The following UBAP2 variants were observed in gnomAD, a reference collection of about 807,000 sequenced individuals.
UBAP2 encodes ubiquitin associated protein 2, also known as ubiquitin-associated protein 2.
UBAP2 carries 75 observed loss-of-function variants against 139.6 expected under a neutral mutation model. The observed-to-expected ratio is 0.54, with a 90% confidence interval of 0.45 to 0.65. The LOEUF is 0.65. UBAP2 is among the 30% of genes least tolerant of loss of function. UBAP2 has a pLI of 0.00. For missense variants in UBAP2, 1,368 were observed against 1,369.6 expected (o/e 1.00, Z 0.02); for synonymous variants, 526 against 526.2 (o/e 1.00, Z 0.01).
chr9:33,956,913 T>G (rs1189604906), intron 10 of UBAP2, among the ~76,000 whole-genome samples: 1 of 143,950 alleles, frequency 6.9e-6, no homozygotes, highest in Non-Finnish European at 1.5e-5. Flanking sequence ...AGGCCAGAAG[T>G]AAGGCTTCAT....
intron 1 of UBAP2, among the ~76,000 whole-genome samples, chr9:34,019,381 C>T (rs1045562998): frequency 6.6e-6 from 1 of 151,970 alleles, no homozygotes; most frequent in South Asian, 2.1e-4. Context: ...CCAGCCTGGG[C>T]GACAGAGCAA....
intron 6 of UBAP2, among the ~76,000 whole-genome samples, chr9:33,976,565 A>G (rs2131077664): frequency 6.6e-6 from 1 of 152,334 alleles, no homozygotes; most frequent in South Asian, 2.1e-4. Flanking sequence ...GATAAAGGGT[A>G]AGGTATACTT....
chr9:33,949,477 TG>T (rs981930531), intron 12 of UBAP2, among the ~76,000 whole-genome samples: 16 of 152,054 alleles, frequency 1.1e-4, no homozygotes, highest in African/African-American at 3.9e-4. Flanking sequence ...CCGAGGTGGG[TG>T]GATCACCTGA....
chr9:33,977,142 A>C (rs1413990246), intron 6 of UBAP2, among the ~76,000 whole-genome samples: 1 of 150,016 alleles, frequency 6.7e-6, no homozygotes, highest in Non-Finnish European at 1.5e-5. Context: ...AGGTTCAGGC[A>C]ATTCTCCCGC....
At chr9:33,992,663 G>GA (rs931183014) in intron 4 of UBAP2, among the ~76,000 whole-genome samples, 1 of 148,400 alleles carries the variant, frequency 6.7e-6, no homozygotes, top group African/African-American at 2.4e-5. Flanking sequence ...GGCGGAGGGG[G>GA]GGGGGCACAA....
chr9:33,981,205 G>GATATATATATATATATTCTGGAT lies in UBAP2; in HGVS notation c.520+5532_520+5554dup, dbSNP rs1554686782. Among the ~76,000 whole-genome samples, 11 of 3,684 alleles carry GATATATATATATATATTCTGGAT rather than the reference G, an allele frequency of 3.0e-3. 3 individuals are homozygous for GATATATATATATATATTCTGGAT. Among genetic ancestry groups the GATATATATATATATATTCTGGAT allele is most frequent in the East Asian group, 0.027 (4 of 148 alleles). 2.4% of individuals were successfully genotyped at this position (3,684 alleles called of 152,430 possible). On this transcript the variant is annotated intron_variant, in intron 6 of 28. Coordinates refer to ENST00000379238, the MANE Select transcript of UBAP2 (RefSeq NM_001370062.2). ...TCTGGATATATATATATATATTCTG[G>GATATATATATATATATTCTGGAT]ATATATATATATATATTCTGGATAT...
rs1418312106 is a variant in UBAP2, at chr9:34,016,297, G to A, written c.99+753C>T. 2.2e-3 allele frequency among the ~76,000 whole-genome samples: 231 copies of A among 102,874 alleles called. 3 individuals are homozygous for A. Among genetic ancestry groups the A allele is most frequent in the African/African-American group, 8.3e-3 (196 of 23,586 alleles). 67.5% of individuals were successfully genotyped at this position (102,874 alleles called of 152,430 possible). On this transcript the variant is annotated intron_variant, in intron 2 of 28. Transcript: ENST00000379238. ...GAAGGAGGAAGAGGAGGAGGAGGAA[G>A]AGGAGGAAGAGGAGGAAGAGAAGGA... is the stretch of plus-strand genomic sequence containing the variant.
Position 33,944,382 on chromosome 9 carries a change from T to G in UBAP2, c.1528A>C (p.Ile510Leu), listed in dbSNP as rs750222996. 6.2e-7 allele frequency: 1 copy of G among 1,612,880 alleles called. No homozygotes were observed. Among genetic ancestry groups the G allele is most frequent in the Admixed American group, 1.7e-5 (1 of 59,984 alleles). ...PKHIKLAKRR[I>L]PPASKIPASA... Reference sequence around the variant, plus strand: ...ATGCCCACCTTAGAAGCTGGGGGTATCCGCCGCTTAGCAAGTTTGATGTGT... The same window carrying G: ...ATGCCCACCTTAGAAGCTGGGGGTAGCCGCCGCTTAGCAAGTTTGATGTGT... The change falls in exon 14 of 29, where the codon ATA (isoleucine) becomes CTA (leucine). Residue 510 changes from isoleucine (I) to leucine (L), a missense_variant. Coordinates refer to ENST00000379238, the MANE Select transcript of UBAP2 (RefSeq NM_001370062.2).
At chr9:33,973,052 G>T in intron 7 of UBAP2, 131 bp downstream of exon 7, 2 of 790,834 alleles carry the variant, frequency 2.5e-6, no homozygotes, top group Non-Finnish European at 4.2e-6. Context: ...TTTCTTATTT[G>T]TAAATCTCTT....
intron 1 of UBAP2, among the ~76,000 whole-genome samples, chr9:34,045,585 G>A (rs1827509544): frequency 6.6e-6 from 1 of 151,814 alleles, no homozygotes; most frequent in South Asian, 2.1e-4. Context: ...TGTTGGTTAG[G>A]TTAGTCTCGA....
intron 2 of UBAP2, among the ~76,000 whole-genome samples, chr9:34,009,504 C>A (rs760565642): frequency 6.6e-6 from 1 of 152,152 alleles, no homozygotes; most frequent in Non-Finnish European, 1.5e-5. Flanking sequence ...AAACAATCCT[C>A]CCACCTCAGC....
chr9:33,998,645 G>A (rs1461610321), intron 3 of UBAP2, 142 bp downstream of exon 3: 5 of 639,436 alleles, frequency 7.8e-6, no homozygotes, highest in Non-Finnish European at 1.3e-5. Context: ...TTAATCACAA[G>A]TCCAAAATCC....
intron 1 of UBAP2, among the ~76,000 whole-genome samples, chr9:34,044,090 CAAAA>C (rs74180528): frequency 5.9e-5 from 5 of 85,186 alleles, no homozygotes; most frequent in Admixed American, 1.4e-4. Context: ...AACTCCACCT[CAAAA>C]AAAAAAAAAA....
rs1160473194 is a variant in UBAP2 at position 33,930,340 on chromosome 9, CAACAT to C, written c.2175+2217_2175+2221del. Among the ~76,000 whole-genome samples the C allele has an allele frequency of 4.6e-5, 7 of 151,118 alleles. No individual in the cohort carries two copies. In the South Asian group the frequency reaches 6.6e-4, roughly 14 times the overall value. ...GCTACATACAGCTATACACATGAAA[CAACAT>C]ATGTAGGTTATCAAATGCAACATTC... On this transcript the variant is annotated intron_variant, in intron 19 of 28. Coordinates refer to ENST00000379238, the MANE Select transcript of UBAP2 (RefSeq NM_001370062.2).
intron 17 of UBAP2, among the ~76,000 whole-genome samples, chr9:33,935,170 G>A (rs937733326): frequency 2.8e-5 from 4 of 143,772 alleles, no homozygotes; most frequent in African/African-American, 7.4e-5. Context: ...TGGCGGGGGG[G>A]GGGGGTCTCA....
intron 1 of UBAP2, among the ~76,000 whole-genome samples, chr9:34,022,602 AT>A (rs1316515121): frequency 6.6e-6 from 1 of 151,018 alleles, no homozygotes; most frequent in Non-Finnish European, 1.5e-5. Context: ...TGCCCAGCCG[AT>A]TTTTTTTGTA....
intron 6 of UBAP2, among the ~76,000 whole-genome samples, chr9:33,986,079 G>GTC (rs996426864): frequency 1.3e-5 from 2 of 151,498 alleles, no homozygotes; most frequent in African/African-American, 4.8e-5. Flanking sequence ...CTGAGACAGA[G>GTC]TCTTGCTCAC....
intron 2 of UBAP2, among the ~76,000 whole-genome samples, chr9:34,012,689 G>T (rs991330728): frequency 3.3e-5 from 5 of 152,036 alleles, no homozygotes; most frequent in Non-Finnish European, 7.4e-5. Flanking sequence ...ACAACTACTT[G>T]TCAAACGTTT....
rs571230303 is a variant in UBAP2, at chr9:34,043,472, T to C, written c.-42+5353A>G. On this transcript the variant is annotated intron_variant, in intron 1 of 28. Coordinates refer to ENST00000379238, the MANE Select transcript of UBAP2 (RefSeq NM_001370062.2). The stretch of plus-strand genomic sequence containing the variant: ...ATGAGCCACCACACCCAAACTATGC[T>C]GTATTTTTCAATAAAAATCAGCAAG... Among the ~76,000 whole-genome samples the C allele has an allele frequency of 3.3e-5, 5 of 152,302 alleles. No individual in the cohort carries two copies. The South Asian group carries it at 1.0e-3, about 32-fold the overall frequency.
Sources: gnomAD v4.1 joint callset for allele counts (sites outside exome capture counted in the v4.1 genomes callset) on GRCh38, gnomAD v4.1.1 for gene constraint, MANE v1.5 for transcripts, NCBI Gene and HGNC (gene_info 2026-07-23, HGNC 2026-07-21) for gene names.